Variants in DACH2 observed in about 807,000 individuals in gnomAD.
The protein encoded by DACH2 is dachshund family transcription factor 2, also known as dachshund homolog 2.
A neutral mutation model predicts 35.8 loss-of-function variants in DACH2; 17 were observed. That is an observed-to-expected ratio of 0.48 (90% CI 0.33 to 0.71). The LOEUF (loss-of-function observed/expected upper bound fraction) is 0.71. Among genes scored for constraint, DACH2 ranks in the 30% least tolerant of loss-of-function variants. The pLI, the probability that DACH2 is intolerant of heterozygous loss-of-function variation, is 0.02. For missense variants in DACH2, 469 were observed against 472.7 expected, an observed-to-expected ratio of 0.99 and a Z score of 0.07; for synonymous variants, 195 against 177.3, an observed-to-expected ratio of 1.10 and a Z score of -0.79.
At chrX:86,475,422 C>T (rs981703756) in intron 2 of DACH2, among the ~76,000 whole-genome samples, 13 of 111,322 alleles carry the variant, frequency 1.2e-4, no homozygotes, top group African/African-American at 4.2e-4. Context: ...TGATTAATTT[C>T]CAGGTATTTA....
chrX:86,705,266 A>G (rs2041202390), intron 5 of DACH2, among the ~76,000 whole-genome samples: 1 of 109,798 alleles, frequency 9.1e-6, no homozygotes, highest in Non-Finnish European at 1.9e-5. Flanking sequence ...CATAAGAATG[A>G]TACAGTGGAC....
chrX:86,698,521 GTTTT>G (rs767152609), intron 5 of DACH2, among the ~76,000 whole-genome samples: 3 of 32,955 alleles, frequency 9.1e-5, no homozygotes, highest in East Asian at 1.7e-3. Flanking sequence ...TTAGTTTTGT[GTTTT>G]TTTTTTTTTT....
intron 4 of DACH2, among the ~76,000 whole-genome samples, chrX:86,683,111 G>GTTCGTGTTGTATGCTTGCCTCTTTCCTC (rs2040900953): frequency 9.0e-6 from 1 of 110,694 alleles, no homozygotes; most frequent in Admixed American, 9.7e-5. Context: ...TGTCTTTCAT[G>GTTCGTGTTGTATGCTTGCCTCTTTCCTC]TTCGTGTTGT....
chrX:86,377,256 C>T (rs1397300457), intron 2 of DACH2, among the ~76,000 whole-genome samples: 1 of 111,180 alleles, frequency 9.0e-6, no homozygotes, highest in African/African-American at 3.3e-5. Flanking sequence ...TTTTGCAGGG[C>T]AGCACAGGCT....
intron 1 of DACH2, among the ~76,000 whole-genome samples, chrX:86,187,669 G>C (rs1191290758): frequency 9.0e-6 from 1 of 111,012 alleles, no homozygotes; most frequent in Non-Finnish European, 1.9e-5. Flanking sequence ...CAAGTGATCT[G>C]CCCACCTTAG....
intron 6 of DACH2, among the ~76,000 whole-genome samples, chrX:86,725,217 AT>A (rs2041452930): frequency 9.0e-6 from 1 of 110,552 alleles, no homozygotes. Flanking sequence ...TTCCTGAACA[AT>A]TTTTTATGGT....
intron 1 of DACH2, among the ~76,000 whole-genome samples, chrX:86,207,577 A>G (rs948776410): frequency 2.5e-4 from 28 of 111,601 alleles, no homozygotes; most frequent in South Asian, 1.5e-3. Flanking sequence ...AATAAAAATA[A>G]AAAACAGATT....
At chrX:86,430,253 C>A (rs776692416) in intron 2 of DACH2, among the ~76,000 whole-genome samples, 18 of 112,041 alleles carry the variant, frequency 1.6e-4, no homozygotes, top group Non-Finnish European at 3.0e-4. Flanking sequence ...GTGCATGTAG[C>A]TATTGAGATT....
intron 7 of DACH2, among the ~76,000 whole-genome samples, chrX:86,767,943 T>G (rs781407703): frequency 3.6e-5 from 4 of 111,253 alleles, no homozygotes; most frequent in East Asian, 5.6e-4. Context: ...GTTGTTTGTT[T>G]TTTGTTTGTT....
chrX:86,434,652 A>G (rs1170661246), intron 2 of DACH2, among the ~76,000 whole-genome samples: 1 of 112,167 alleles, frequency 8.9e-6, no homozygotes, highest in African/African-American at 3.2e-5. Flanking sequence ...GTACATCCAT[A>G]GAAGATTCTT....
At chrX:86,397,297 C>A (rs1041483955) in intron 2 of DACH2, among the ~76,000 whole-genome samples, 1 of 111,405 alleles carries the variant, frequency 9.0e-6, no homozygotes, top group Non-Finnish European at 1.9e-5. Context: ...TGGGCTGAGA[C>A]GATGGGGTTT....
At chrX:86,706,702 T>A (rs1366145745) in intron 5 of DACH2, among the ~76,000 whole-genome samples, 1 of 108,695 alleles carries the variant, frequency 9.2e-6, no homozygotes, top group Admixed American at 9.9e-5. Flanking sequence ...AGCTGTAAAG[T>A]CAAAAAATAC....
At chrX:86,644,897 G>A (rs6623750) in intron 3 of DACH2, among the ~76,000 whole-genome samples, 14,435 of 109,922 alleles carry the variant, frequency 0.13, 772 homozygotes, top group South Asian at 0.34. Flanking sequence ...CTTCCTTAAA[G>A]CATATACAAA....
rs1182157047 is a variant in DACH2, at chrX:86,813,446, C to CAAA, written c.1537+183_1537+185dup. On this transcript the variant is annotated intron_variant, in intron 9 of 11. Coordinates refer to ENST00000373125, the MANE Select transcript of DACH2 (RefSeq NM_053281.3). The stretch of plus-strand genomic sequence containing the variant: ...AGAAACCCCATCTCTACTAAAAATA[C>CAAA]AAAAAAAAAAAAAAAATTAGCTGGG... 3.0e-4 allele frequency among the ~76,000 whole-genome samples: 23 copies of CAAA among 75,626 alleles called. 1 individual carries two copies. The highest frequency in any genetic ancestry group is 0.012 in the Middle Eastern group (2 of 171). The allele number at this position is 75,626 out of a possible 115,157, so 65.7% of individuals were successfully genotyped here.
At chrX:86,373,123 T>C (rs2035914138) in intron 1 of DACH2, among the ~76,000 whole-genome samples, 1 of 111,017 alleles carries the variant, frequency 9.0e-6, no homozygotes, top group Non-Finnish European at 1.9e-5. Flanking sequence ...TGAGTAGTGC[T>C]GTGATGAACA....
intron 2 of DACH2, among the ~76,000 whole-genome samples, chrX:86,475,744 G>A (rs1347914408): frequency 1.8e-5 from 2 of 111,786 alleles, no homozygotes; most frequent in Admixed American, 9.5e-5. Context: ...GTGACAGTGG[G>A]CATCCTTGTT....
At chrX:86,547,345 A>C (rs963288344) in intron 3 of DACH2, among the ~76,000 whole-genome samples, 1 of 111,946 alleles carries the variant, frequency 8.9e-6, no homozygotes, top group Non-Finnish European at 1.9e-5. Flanking sequence ...ATGTATCTCT[A>C]ACAGATAGAA....
chrX:86,267,575 G>C (rs2033734407), intron 1 of DACH2, among the ~76,000 whole-genome samples: 1 of 111,719 alleles, frequency 9.0e-6, no homozygotes, highest in Non-Finnish European at 1.9e-5. Flanking sequence ...GGGCCAGCAG[G>C]CTGTGTGTCT....
intron 2 of DACH2, among the ~76,000 whole-genome samples, chrX:86,456,688 T>A (rs1238540247): frequency 9.0e-6 from 1 of 111,407 alleles, no homozygotes; most frequent in Non-Finnish European, 1.9e-5. Context: ...AGATCTGAGT[T>A]TGTGACCTAT....
Sources: allele counts gnomAD v4.1 joint callset (sites outside exome capture counted in the v4.1 genomes callset), GRCh38; gene constraint gnomAD v4.1.1; transcripts MANE v1.5; gene names NCBI Gene and HGNC (gene_info 2026-07-23, HGNC 2026-07-21).